AHI1: variants seen among roughly 807,000 people sequenced by gnomAD.
AHI1 encodes the protein jouberin.
A neutral mutation model predicts 149.3 loss-of-function variants in AHI1; 123 were observed. The observed-to-expected ratio is 0.82, with a 90% CI of 0.71 to 0.96. The LOEUF is 0.96. Among genes scored for constraint, AHI1 ranks in the 40% least tolerant of loss-of-function variants. AHI1 has a pLI of 0.00. For synonymous variants in AHI1, 475 were observed against 459.8 expected (o/e 1.03, Z -0.42); for missense variants, 1,439 against 1,422.7 (o/e 1.01, Z -0.18).
At position 135,492,553 on chromosome 6, in the gene AHI1, C is replaced by T. The variant is rs1322959610; in HGVS notation, c.-54-262G>A. The T allele has an allele frequency of 3.2e-5, 31 of 981,634 alleles. No individual in the cohort carries two copies. The South Asian group carries it at 9.4e-4, about 30-fold the overall frequency. 60.8% of individuals were successfully genotyped at this position (981,634 alleles called of 1,614,324 possible). Reference sequence around the variant, plus strand: ...TGAAACAAAAAAAACATTTTGAAGGCAGTGCACATCTAATGTGGTATGTTA... The same window carrying T: ...TGAAACAAAAAAAACATTTTGAAGGTAGTGCACATCTAATGTGGTATGTTA... On this transcript the variant is annotated intron_variant, in intron 3 of 28. Coordinates refer to ENST00000265602, the MANE Select transcript of AHI1 (RefSeq NM_001134831.2).
At chr6:135,467,838 A>C (rs891137126) in intron 5 of AHI1, among the ~76,000 whole-genome samples, 1 of 152,188 alleles carries the variant, frequency 6.6e-6, no homozygotes, top group African/African-American at 2.4e-5. Flanking sequence ...TCTGAATGTA[A>C]CTTCAGATTA....
chr6:135,389,483 T>C (rs572986692), intron 23 of AHI1, among the ~76,000 whole-genome samples: 1 of 152,280 alleles, frequency 6.6e-6, no homozygotes, highest in East Asian at 1.9e-4. Flanking sequence ...AAACATTCGA[T>C]TAAATGGTTG....
chr6:135,364,739 A>G (rs1435551557), intron 23 of AHI1, among the ~76,000 whole-genome samples: 3 of 152,186 alleles, frequency 2.0e-5, no homozygotes, highest in South Asian at 2.1e-4. Flanking sequence ...AAAAAATACG[A>G]AAACCAGTCA....
At chr6:135,480,172 A>G (rs1036037234) in intron 5 of AHI1, among the ~76,000 whole-genome samples, 1 of 152,216 alleles carries the variant, frequency 6.6e-6, no homozygotes, top group Non-Finnish European at 1.5e-5. Context: ...ACATTTTAAG[A>G]AATTCAGCCA....
chr6:135,380,525 A>C (rs572128732), intron 23 of AHI1, among the ~76,000 whole-genome samples: 1 of 152,320 alleles, frequency 6.6e-6, no homozygotes, highest in East Asian at 1.9e-4. Flanking sequence ...TAACCAGACT[A>C]CATTTGCTTA....
chr6:135,311,663 CAA>C (rs1054610953), intron 26 of AHI1, among the ~76,000 whole-genome samples: 4 of 151,972 alleles, frequency 2.6e-5, no homozygotes, highest in African/African-American at 9.7e-5. Context: ...GGCTAAAAAG[CAA>C]AAAAAGTCCA....
At chr6:135,403,949 C>T (rs1162693025) in intron 22 of AHI1, among the ~76,000 whole-genome samples, 2 of 151,644 alleles carry the variant, frequency 1.3e-5, no homozygotes, top group East Asian at 1.9e-4. Flanking sequence ...CCTAACATGC[C>T]CCATCAGGAA....
rs548942913 is a variant in AHI1, at chr6:135,447,276, C to T, written c.1627-116G>A. The T allele has an allele frequency of 1.7e-4, 124 of 749,230 alleles. No homozygotes were observed. In the South Asian group the frequency reaches 3.3e-3, roughly 20 times the overall value. 46.4% of individuals were successfully genotyped at this position (749,230 alleles called of 1,614,324 possible). A position where few individuals can be genotyped will look rare whatever the true frequency, so the allele number is the denominator to read the frequency against. On this transcript the variant is annotated intron_variant, in intron 12 of 28. Transcript: ENST00000265602. ...TATGAAAATATTTTCAAAATGTAAT[C>T]CAGAAAAAAATTCTACTTTTATTTG... is the stretch of plus-strand genomic sequence containing the variant.
At chr6:135,372,647 T>G (rs534689917) in intron 23 of AHI1, among the ~76,000 whole-genome samples, 2 of 152,284 alleles carry the variant, frequency 1.3e-5, no homozygotes, top group South Asian at 2.1e-4. Flanking sequence ...ACCACTGCAC[T>G]CCAGCCCAGG....
At chr6:135,484,685 G>A (rs1268143251) in intron 5 of AHI1, among the ~76,000 whole-genome samples, 3 of 151,398 alleles carry the variant, frequency 2.0e-5, no homozygotes, top group Non-Finnish European at 4.4e-5. Flanking sequence ...ATTATCACTA[G>A]CTATATGTAA....
chr6:135,413,840 C>T (rs1468258745), intron 20 of AHI1, among the ~76,000 whole-genome samples: 1 of 152,062 alleles, frequency 6.6e-6, no homozygotes, highest in Admixed American at 6.6e-5. Context: ...ACTAAAAATA[C>T]TGCTGAGAGA....
At chr6:135,436,614 T>C (rs1002352391) in intron 15 of AHI1, among the ~76,000 whole-genome samples, 13 of 152,178 alleles carry the variant, frequency 8.5e-5, no homozygotes, top group Middle Eastern at 3.2e-3. Context: ...ATTTCTTTTT[T>C]CTTTTTGAGG....
chr6:135,467,476 T>C (rs1562243704), intron 6 of AHI1, 105 bp downstream of exon 6: 3 of 926,152 alleles, frequency 3.2e-6, no homozygotes, highest in Non-Finnish European at 5.2e-6. Flanking sequence ...AACTGATGTG[T>C]TGAAAAACAG....
Position 135,286,466 on chromosome 6 carries a change from G to A in AHI1, c.3589-819C>T, listed in dbSNP as rs544758992. ...ACCTGGTTGTCCTTAGAAAACACACGGCAGTTTCAGAACGATGGCAAATCT... is the reference window on the plus strand; with the variant it reads ...ACCTGGTTGTCCTTAGAAAACACACAGCAGTTTCAGAACGATGGCAAATCT... On this transcript the variant is annotated intron_variant, in intron 28 of 28. Transcript: ENST00000265602. 3.9e-5 allele frequency: 6 copies of A among 152,260 alleles called. No homozygotes were observed. The South Asian group carries it at 6.2e-4, about 16-fold the overall frequency. 9.4% of individuals were successfully genotyped at this position (152,260 alleles called of 1,614,324 possible). A position where few individuals can be genotyped will look rare whatever the true frequency, so the allele number is the denominator to read the frequency against.
rs1331455415 is a variant in AHI1, at chr6:135,387,938, G to A, written c.3109+6838C>T. 7 of 1,611,864 alleles carry A rather than the reference G, an allele frequency of 4.3e-6. No individual in the cohort carries two copies. In the Admixed American group the frequency reaches 1.2e-4, roughly 27 times the overall value. On this transcript the variant is annotated intron_variant, in intron 23 of 28. Coordinates refer to ENST00000265602, the MANE Select transcript of AHI1 (RefSeq NM_001134831.2). The stretch of plus-strand genomic sequence containing the variant: ...TAACAAAACAGTTAGGAAGTGGTGG[G>A]ATCCCAGGTCGGCTCAGTTCTTCTG...
intron 26 of AHI1, among the ~76,000 whole-genome samples, chr6:135,307,762 C>T (rs1313893112): frequency 2.0e-5 from 3 of 150,574 alleles, no homozygotes; most frequent in African/African-American, 2.4e-5. Context: ...ATATATTATA[C>T]ATAAAAATTA....
At chr6:135,295,728 T>C (rs1321719125) in intron 27 of AHI1, among the ~76,000 whole-genome samples, 1 of 152,162 alleles carries the variant, frequency 6.6e-6, no homozygotes, top group African/African-American at 2.4e-5. Flanking sequence ...AAGAAAGATG[T>C]AGGAGGGCAA....
chr6:135,417,346 ATGGCCCAGAAG>A (rs1782526763), intron 20 of AHI1, among the ~76,000 whole-genome samples: 1 of 152,068 alleles, frequency 6.6e-6, no homozygotes, highest in South Asian at 2.1e-4. Flanking sequence ...ATGCATAGAA[ATGGCCCAGAAG>A]CACATACACC....
chr6:135,377,291 A>G (rs1776089205), intron 23 of AHI1, among the ~76,000 whole-genome samples: 1 of 152,154 alleles, frequency 6.6e-6, no homozygotes, highest in Admixed American at 6.5e-5. Flanking sequence ...ATTTCAAAAT[A>G]AAGTTGGGGA....
Sources: allele counts gnomAD v4.1 joint callset (sites outside exome capture counted in the v4.1 genomes callset), GRCh38; gene constraint gnomAD v4.1.1; transcripts MANE v1.5; gene names NCBI Gene and HGNC (gene_info 2026-07-23, HGNC 2026-07-21).